The following GLYATL2 variants were observed in gnomAD, a reference collection of about 807,000 sequenced individuals.
GLYATL2 encodes glycine N-acyltransferase-like protein 2.
In GLYATL2, 25 loss-of-function variants were observed where a neutral mutation model predicts 21.4. That is an observed-to-expected ratio of 1.17 (90% confidence interval 0.85 to 1.63). GLYATL2 has a LOEUF of 1.63. Among genes scored for constraint, GLYATL2 ranks in the 40% most tolerant of loss-of-function variants. The probability of loss-of-function intolerance (pLI) is 0.00; values close to 1 mark genes in which losing one functional copy is unlikely to be tolerated. For missense variants in GLYATL2, 361 were observed against 343.3 expected (o/e 1.05, Z -0.41); for synonymous variants, 114 against 118.2 (o/e 0.96, Z 0.23).
At chr11:58,905,709 C>G, upstream of GLYATL2, 5 of 173,294 alleles carry the variant, frequency 2.9e-5, no homozygotes, top group Non-Finnish European at 3.5e-5. Context: ...GAGGGGATCG[C>G]TGGGACCGGG....
upstream of GLYATL2, among the ~76,000 whole-genome samples, chr11:58,846,689 G>A (rs1853650997): frequency 6.6e-6 from 1 of 152,150 alleles, no homozygotes; most frequent in African/African-American, 2.4e-5. Context: ...CAAAACTTCA[G>A]TGACTGAAAA....
intron 3 of GLYATL2, 83 bp from the exon 4 acceptor site, chr11:58,837,480 C>T: frequency 7.6e-7 from 1 of 1,307,616 alleles, no homozygotes; most frequent in Non-Finnish European, 1.1e-6. Flanking sequence ...GCTAGAGATT[C>T]AATTGTTTGA....
chr11:58,887,565 T>G (rs535704806), intron 1 of GLYATL2, among the ~76,000 whole-genome samples: 6 of 152,328 alleles, frequency 3.9e-5, no homozygotes, highest in African/African-American at 1.4e-4. Flanking sequence ...TCAGTGTCCT[T>G]GCCCATATTA....
intron 1 of GLYATL2, among the ~76,000 whole-genome samples, chr11:58,882,389 G>T (rs931524815): frequency 1.3e-5 from 2 of 152,198 alleles, no homozygotes; most frequent in Admixed American, 6.5e-5. Context: ...CTTTTGAGAA[G>T]TGTCTGTTCA....
At chr11:58,870,480 TG>T (rs1293687496) in intron 1 of GLYATL2, among the ~76,000 whole-genome samples, 1 of 152,216 alleles carries the variant, frequency 6.6e-6, no homozygotes, top group Non-Finnish European at 1.5e-5. Context: ...CACAAAAGAA[TG>T]ACAAAATCTA....
intron 5 of GLYATL2, 151 bp downstream of exon 5, chr11:58,836,864 T>C: frequency 2.9e-6 from 2 of 698,734 alleles, no homozygotes; most frequent in Admixed American, 5.2e-5. Context: ...CCATGCTCAG[T>C]ACACAGTTGC....
chr11:58,847,746 G>A (rs756665937), upstream of GLYATL2, among the ~76,000 whole-genome samples: 4 of 152,114 alleles, frequency 2.6e-5, no homozygotes, highest in Non-Finnish European at 4.4e-5. Flanking sequence ...TGTATCTCAG[G>A]GCCTGAGGAA....
intron 1 of GLYATL2, among the ~76,000 whole-genome samples, chr11:58,872,759 G>A (rs1403878738): frequency 2.0e-5 from 3 of 152,338 alleles, no homozygotes; most frequent in African/African-American, 7.2e-5. Flanking sequence ...GATTGACTTG[G>A]AGATGCGGGC....
At chr11:58,856,971 G>A (rs1396873464) in intron 1 of GLYATL2, among the ~76,000 whole-genome samples, 7 of 152,188 alleles carry the variant, frequency 4.6e-5, no homozygotes, top group African/African-American at 1.7e-4. Context: ...TACCTGTGAA[G>A]TACAATAAAG....
At chr11:58,901,361 G>T (rs1366060185) in intron 1 of GLYATL2, among the ~76,000 whole-genome samples, 3 of 152,212 alleles carry the variant, frequency 2.0e-5, no homozygotes, top group Admixed American at 1.3e-4. Flanking sequence ...AGTTTCTCAG[G>T]TAGTTATGTT....
At chr11:58,886,777 CAGCCCAGCTTCATGTGGGTATAGACACTG>C (rs1426884920) in intron 1 of GLYATL2, among the ~76,000 whole-genome samples, 5 of 152,120 alleles carry the variant, frequency 3.3e-5, no homozygotes, top group Admixed American at 3.3e-4. Flanking sequence ...GCCTCATGGC[CAGCCCAGCTTCATGTGGGTATAGACACTG>C]AGCCTCCAAA....
chr11:58,838,787 T>A (rs1192466802), intron 2 of GLYATL2, among the ~76,000 whole-genome samples: 2 of 152,134 alleles, frequency 1.3e-5, no homozygotes, highest in Non-Finnish European at 2.9e-5. Flanking sequence ...AGAGAGTACA[T>A]AGTTCAACCA....
At chr11:58,897,017 C>T (rs923378040) in intron 1 of GLYATL2, among the ~76,000 whole-genome samples, 1 of 152,178 alleles carries the variant, frequency 6.6e-6, no homozygotes. Context: ...TTTTACTTTA[C>T]TATGGACACT....
chr11:58,859,030 C>T (rs1259308476), intron 1 of GLYATL2, among the ~76,000 whole-genome samples: 1 of 152,148 alleles, frequency 6.6e-6, no homozygotes, highest in Non-Finnish European at 1.5e-5. Context: ...AAGTCAAAAA[C>T]CTCTAACCCA....
In GLYATL2 at chr11:58,867,208, T is replaced by C. The variant is rs761605830; in HGVS notation, n.61-28840A>G. On this transcript the variant is annotated intron_variant and non_coding_transcript_variant, in intron 1 of 4. Coordinates refer to the GLYATL2 transcript ENST00000533636. ...CAACACATAAAGATAGGCCAACACA[T>C]AGATAATATAATAGATTTAAAATGT... Among the ~76,000 whole-genome samples the C allele has an allele frequency of 1.2e-4, 18 of 148,880 alleles. 1 individual carries two copies. The highest frequency in any genetic ancestry group is 1.8e-4 in the Non-Finnish European group (12 of 67,136).
upstream of GLYATL2, among the ~76,000 whole-genome samples, chr11:58,845,396 C>T (rs1164903049): frequency 2.0e-5 from 3 of 152,104 alleles, no homozygotes; most frequent in African/African-American, 7.2e-5. Flanking sequence ...AGGGCAAAAA[C>T]TTGATACAAG....
intron 1 of GLYATL2, among the ~76,000 whole-genome samples, chr11:58,901,975 AAGAG>A (rs1405802649): frequency 3.9e-5 from 6 of 152,022 alleles, no homozygotes; most frequent in African/African-American, 1.2e-4. Flanking sequence ...TCTTTACTTG[AAGAG>A]AGAGAGAGGC....
chr11:58,892,942 G>A (rs1233034252), intron 1 of GLYATL2: 3 of 296,760 alleles, frequency 1.0e-5, no homozygotes, highest in African/African-American at 6.7e-5. Context: ...TTCCTTTCTT[G>A]TGATGAATAA....
At chr11:58,849,545 C>T (rs967370647), upstream of GLYATL2, among the ~76,000 whole-genome samples, 3 of 152,114 alleles carry the variant, frequency 2.0e-5, no homozygotes, top group African/African-American at 7.2e-5. Flanking sequence ...AAGACTGAAG[C>T]TATACTAAAG....
Sources: allele counts gnomAD v4.1 joint callset (sites outside exome capture counted in the v4.1 genomes callset), GRCh38; gene constraint gnomAD v4.1.1; transcripts MANE v1.5; gene names NCBI Gene and HGNC (gene_info 2026-07-23, HGNC 2026-07-21).